CDH23: variants seen among roughly 807,000 people sequenced by gnomAD.
The protein encoded by CDH23 is cadherin related 23.
Under a neutral mutation model 317.1 loss-of-function variants are expected in CDH23, and 189 were observed. That is an observed-to-expected ratio of 0.60 (90% CI 0.53 to 0.67). The LOEUF (loss-of-function observed/expected upper bound fraction) is 0.67, where lower values mean the gene tolerates loss of function less well. Ranked by LOEUF, CDH23 falls within the 30% of genes least tolerant of loss-of-function variation. The pLI is 0.00. For missense variants in CDH23, 4,401 were observed against 4,592.4 expected (o/e 0.96, Z 1.20); for synonymous variants, 1,839 against 1,876.8 (o/e 0.98, Z 0.52).
chr10:71,451,798 T>C (rs1231459554), intron 3 of CDH23, among the ~76,000 whole-genome samples: 6 of 152,228 alleles, frequency 3.9e-5, no homozygotes, highest in African/African-American at 1.4e-4. Flanking sequence ...GGCCTAGCCC[T>C]GCGCCTGGTG....
intron 14 of CDH23, among the ~76,000 whole-genome samples, chr10:71,658,876 G>A (rs1167999788): frequency 1.3e-5 from 2 of 152,190 alleles, no homozygotes; most frequent in Non-Finnish European, 2.9e-5. Context: ...TGTCTCCAAA[G>A]TCCAGGGAAA....
At position 71,737,606 on chromosome 10, in the gene CDH23, C is replaced by T. The variant is rs1839602904; in HGVS notation, c.4210-892C>T. On this transcript the variant is annotated intron_variant, in intron 34 of 69. Transcript: ENST00000224721. ...CCTGGGAGCCCCTGAACCCCACATGCAGGGAAGCAGAGAATGGGGTCTGGC... is the reference window on the plus strand; with the variant it reads ...CCTGGGAGCCCCTGAACCCCACATGTAGGGAAGCAGAGAATGGGGTCTGGC... 8.9e-6 allele frequency: 4 copies of T among 449,908 alleles called. No homozygotes were observed. The Admixed American group carries it at 9.5e-5, about 11-fold the overall frequency. 27.9% of individuals were successfully genotyped at this position (449,908 alleles called of 1,614,324 possible).
At chr10:71,646,365 G>C in intron 13 of CDH23, 94 bp from the exon 14 acceptor site, 5 of 1,554,026 alleles carry the variant, frequency 3.2e-6, no homozygotes, top group Non-Finnish European at 4.4e-6. Flanking sequence ...GCTCTGGGCT[G>C]GGGCCGGCAA....
At chr10:71,501,148 C>G (rs1335956827) in intron 3 of CDH23, among the ~76,000 whole-genome samples, 2 of 152,164 alleles carry the variant, frequency 1.3e-5, no homozygotes, top group African/African-American at 2.4e-5. Context: ...GATTACAAGG[C>G]GTGAGGCACT....
At chr10:71,488,006 C>T (rs1469445526) in intron 3 of CDH23, among the ~76,000 whole-genome samples, 1 of 152,254 alleles carries the variant, frequency 6.6e-6, no homozygotes, top group South Asian at 2.1e-4. Flanking sequence ...GCAACATCTG[C>T]ACTCCTCAGG....
intron 6 of CDH23, among the ~76,000 whole-genome samples, chr10:71,551,111 G>A (rs1856570014): frequency 6.6e-6 from 1 of 152,238 alleles, no homozygotes; most frequent in South Asian, 2.1e-4. Context: ...CGACAGTAAT[G>A]AATTCGTTTG....
intron 20 of CDH23, among the ~76,000 whole-genome samples, chr10:71,693,283 T>C (rs1865251703): frequency 6.6e-6 from 1 of 152,074 alleles, no homozygotes; most frequent in South Asian, 2.1e-4. Flanking sequence ...ATGCCTTTTT[T>C]TTTTTTTATT....
intron 26 of CDH23, among the ~76,000 whole-genome samples, chr10:71,708,177 C>T (rs1865857827): frequency 6.6e-6 from 1 of 152,124 alleles, no homozygotes; most frequent in Non-Finnish European, 1.5e-5. Flanking sequence ...CTGGGGAGCA[C>T]TGGAGGTTTG....
At chr10:71,672,910 G>A (rs889073765) in intron 14 of CDH23, among the ~76,000 whole-genome samples, 3 of 152,050 alleles carry the variant, frequency 2.0e-5, no homozygotes. Context: ...TCCAGGGGCA[G>A]CACACCCCCC....
intron 11 of CDH23, among the ~76,000 whole-genome samples, chr10:71,628,303 C>T (rs1048628399): frequency 2.6e-5 from 4 of 152,196 alleles, no homozygotes; most frequent in African/African-American, 9.6e-5. Context: ...AACTCTGTCC[C>T]CCGAAAGGGG....
intron 1 of CDH23, among the ~76,000 whole-genome samples, chr10:71,426,583 G>A (rs1383349384): frequency 2.6e-5 from 4 of 152,300 alleles, no homozygotes; most frequent in South Asian, 2.1e-4. Flanking sequence ...TGGGGGCTGC[G>A]AGGAAGTAAG....
intron 42 of CDH23, 77 bp from the exon 43 acceptor site, chr10:71,784,814 C>A: frequency 1.6e-6 from 2 of 1,221,396 alleles, no homozygotes; most frequent in East Asian, 2.4e-5. Flanking sequence ...CCGCCCTTGG[C>A]GAACCTCCTC....
At chr10:71,512,638 G>T (rs533471533) in intron 6 of CDH23, among the ~76,000 whole-genome samples, 1 of 152,170 alleles carries the variant, frequency 6.6e-6, no homozygotes, top group Non-Finnish European at 1.5e-5. Flanking sequence ...GCAGGGAGCC[G>T]CACTGGCAAG....
intron 6 of CDH23, among the ~76,000 whole-genome samples, chr10:71,538,976 C>G (rs1237401941): frequency 6.6e-6 from 1 of 152,124 alleles, no homozygotes; most frequent in South Asian, 2.1e-4. Context: ...TGAAACTGCT[C>G]TCCTCACTTG....
At chr10:71,459,551 C>T (rs370015606) in intron 3 of CDH23, among the ~76,000 whole-genome samples, 19 of 152,270 alleles carry the variant, frequency 1.2e-4, no homozygotes, top group Middle Eastern at 3.4e-3. Flanking sequence ...TGTGCTGCCA[C>T]GTAAATATGT....
At chr10:71,419,419 C>A (rs1331287718) in intron 1 of CDH23, among the ~76,000 whole-genome samples, 1 of 152,168 alleles carries the variant, frequency 6.6e-6, no homozygotes. Flanking sequence ...AACACCCAGG[C>A]CCTTTAACAT....
At chr10:71,732,487 C>A in intron 32 of CDH23, 112 bp downstream of exon 32, 1 of 1,458,814 alleles carries the variant, frequency 6.9e-7, no homozygotes, top group Non-Finnish European at 9.2e-7. Flanking sequence ...CTTGAGATGG[C>A]CAAGTGTGGT....
chr10:71,723,496 C>T (rs1366513261), intron 28 of CDH23, among the ~76,000 whole-genome samples: 1 of 152,194 alleles, frequency 6.6e-6, no homozygotes, highest in Non-Finnish European at 1.5e-5. Flanking sequence ...TGAAGCTAGA[C>T]TGGGGTGATG....
At chr10:71,516,403 C>T (rs991628026) in intron 6 of CDH23, among the ~76,000 whole-genome samples, 1 of 152,226 alleles carries the variant, frequency 6.6e-6, no homozygotes, top group Non-Finnish European at 1.5e-5. Context: ...AGCCACGCCT[C>T]CTGGCCCTGG....
Sources: gnomAD v4.1 joint callset for allele counts (sites outside exome capture counted in the v4.1 genomes callset) on GRCh38, gnomAD v4.1.1 for gene constraint, MANE v1.5 for transcripts, NCBI Gene and HGNC (gene_info 2026-07-23, HGNC 2026-07-21) for gene names.